PNPLA4: variants seen among roughly 807,000 people sequenced by gnomAD.
PNPLA4 encodes the protein patatin like domain 4, phospholipase and triacylglycerol lipase, also known as patatin-like phospholipase domain-containing protein 4.
PNPLA4 carries 15 observed loss-of-function variants against 18.3 expected under a neutral mutation model. The observed-to-expected ratio is 0.82, with a 90% CI of 0.55 to 1.26. PNPLA4 has a LOEUF of 1.26. Among genes scored for constraint, PNPLA4 ranks in the 50% most tolerant of loss-of-function variants. PNPLA4 has a pLI of 0.00. For synonymous variants in PNPLA4, 88 were observed against 85.6 expected (o/e 1.03, Z -0.16); for missense variants, 229 against 196.8 (o/e 1.16, Z -0.98).
At position 7,921,623 on chromosome X, in the gene PNPLA4, C is replaced by G. The variant is rs1601651206; in HGVS notation, c.411+90G>C. ...TCGGGCCTGGTAAGAGACACAGGATCTAAAGAACGTGGTAATGCTCATTAC... is the reference window on the plus strand; with the variant it reads ...TCGGGCCTGGTAAGAGACACAGGATGTAAAGAACGTGGTAATGCTCATTAC... On this transcript the variant is annotated intron_variant, in intron 4 of 6. Coordinates refer to ENST00000381042, the MANE Select transcript of PNPLA4 (RefSeq NM_004650.3). 7 of 801,143 alleles carry G rather than the reference C, an allele frequency of 8.7e-6. No homozygotes were observed. In the East Asian group the frequency reaches 2.2e-4, roughly 25 times the overall value. 66.0% of individuals were successfully genotyped at this position (801,143 alleles called of 1,213,427 possible). A position where few individuals can be genotyped will look rare whatever the true frequency, so the allele number is the denominator to read the frequency against.
chrX:7,899,681 A>AGAGAGAGAGAGAGAG lies in PNPLA4; in HGVS notation c.*1004_*1005insCTCTCTCTCTCTCTC, dbSNP rs1923463856. On this transcript the variant is annotated 3_prime_UTR_variant, in exon 7 of 7. Coordinates refer to ENST00000381042, the MANE Select transcript of PNPLA4 (RefSeq NM_004650.3). The stretch of plus-strand genomic sequence containing the variant: ...AGAGAGAGAGAGAGAGAGAGAGAGA[A>AGAGAGAGAGAGAGAG]TGAATGACAACCAGCTTGATAATCT... 4.0e-5 allele frequency: 1 copy of AGAGAGAGAGAGAGAG among 25,080 alleles called. No individual in the cohort carries two copies. Among genetic ancestry groups the AGAGAGAGAGAGAGAG allele is most frequent in the Non-Finnish European group, 8.2e-5 (1 of 12,246 alleles). The allele number at this position is 25,080 out of a possible 1,213,427, so 2.1% of individuals were successfully genotyped here.
chrX:7,927,085 T>C (rs1924444248), intron 1 of PNPLA4, among the ~76,000 whole-genome samples: 1 of 112,925 alleles, frequency 8.9e-6, no homozygotes, highest in African/African-American at 3.2e-5. Flanking sequence ...GTCCCAGTCA[T>C]CGATCCGGGG....
intron 2 of PNPLA4, among the ~76,000 whole-genome samples, chrX:7,925,551 G>A (rs1476296432): frequency 8.9e-6 from 1 of 112,015 alleles, no homozygotes; most frequent in Non-Finnish European, 1.9e-5. Context: ...TTTAATTTAT[G>A]TATCTATTTC....
intron 5 of PNPLA4, among the ~76,000 whole-genome samples, chrX:7,905,775 C>T (rs1923688474): frequency 1.8e-5 from 2 of 111,728 alleles, no homozygotes; most frequent in African/African-American, 6.5e-5. Flanking sequence ...CTATAGTTCA[C>T]GGGGTGGTAA....
chrX:7,907,013 G>T (rs910517082), intron 5 of PNPLA4, among the ~76,000 whole-genome samples: 3 of 111,113 alleles, frequency 2.7e-5, no homozygotes, highest in African/African-American at 9.8e-5. Flanking sequence ...AAATCCTACA[G>T]CTTTTCTTTT....
Position 7,899,626 on chromosome X carries a change from C to CCAGAGAGAGAGAGAGAGAGA in PNPLA4, c.*1059_*1060insTCTCTCTCTCTCTCTCTCTG, listed in dbSNP as rs763944921. ...TAGCTAAATACTCAGAGAGGTATGG[C>CCAGAGAGAGAGAGAGAGAGA]GAGAGAGAGAGAGAGAGAGAGAGAG... is the stretch of plus-strand genomic sequence containing the variant. On this transcript the variant is annotated 3_prime_UTR_variant, in exon 7 of 7. Coordinates refer to ENST00000381042, the MANE Select transcript of PNPLA4 (RefSeq NM_004650.3). 4.4e-3 allele frequency: 205 copies of CCAGAGAGAGAGAGAGAGAGA among 46,555 alleles called. 68 individuals are homozygous for CCAGAGAGAGAGAGAGAGAGA. Among genetic ancestry groups the CCAGAGAGAGAGAGAGAGAGA allele is most frequent in the Middle Eastern group, 0.014 (1 of 72 alleles). The allele number at this position is 46,555 out of a possible 1,213,427, so 3.8% of individuals were successfully genotyped here.
intron 6 of PNPLA4, among the ~76,000 whole-genome samples, chrX:7,901,022 C>T (rs1430508239): frequency 5.4e-5 from 6 of 111,518 alleles, no homozygotes; most frequent in Admixed American, 4.8e-4. Flanking sequence ...TTTGGGGCCA[C>T]GACGTCTTAA....
At chrX:7,926,155 T>C (rs752586975) in intron 1 of PNPLA4, 23 bp from the exon 2 acceptor site, 30 of 1,114,504 alleles carry the variant, frequency 2.7e-5, no homozygotes, top group East Asian at 6.1e-5. Context: ...AAAACAAAAA[T>C]GCTGTAAGTT....
At chrX:7,902,203 A>G in intron 5 of PNPLA4, 62 bp from the exon 6 acceptor site, 1 of 1,035,343 alleles carries the variant, frequency 9.7e-7, no homozygotes, top group Non-Finnish European at 1.3e-6. Flanking sequence ...AAAGAAAAGC[A>G]GCTTCTAATA....
At position 7,922,228 on chromosome X, in the gene PNPLA4, C is replaced by G. The variant is rs769631579; in HGVS notation, c.181-130G>C. 2.0e-5 allele frequency: 10 copies of G among 501,662 alleles called. No individual in the cohort carries two copies. The East Asian group carries it at 3.7e-4, about 18-fold the overall frequency. 41.3% of individuals were successfully genotyped at this position (501,662 alleles called of 1,213,427 possible). A position where few individuals can be genotyped will look rare whatever the true frequency, so the allele number is the denominator to read the frequency against. ...CATGTTATTAAAGGTGTGCAAATTC[C>G]CCACCTGGCCGGGGCCTCACCCACC... On this transcript the variant is annotated intron_variant, in intron 2 of 6. Coordinates refer to ENST00000381042, the MANE Select transcript of PNPLA4 (RefSeq NM_004650.3).
Position 7,899,645 on chromosome X carries a change from G to C in PNPLA4, c.*1041C>G, listed in dbSNP as rs1026662256. 5.2e-4 allele frequency: 48 copies of C among 93,130 alleles called. No homozygotes were observed. The highest frequency in any genetic ancestry group is 1.5e-3 in the African/African-American group (38 of 26,019). 7.7% of individuals were successfully genotyped at this position (93,130 alleles called of 1,213,427 possible). On this transcript the variant is annotated 3_prime_UTR_variant, in exon 7 of 7. Coordinates refer to ENST00000381042, the MANE Select transcript of PNPLA4 (RefSeq NM_004650.3). ...GTATGGCGAGAGAGAGAGAGAGAGA[G>C]AGAGAGAGAGAGAGAGAGAGAGAGA...
chrX:7,910,424 G>A (rs1464311430), intron 5 of PNPLA4, among the ~76,000 whole-genome samples: 2 of 110,470 alleles, frequency 1.8e-5, no homozygotes, highest in Non-Finnish European at 3.8e-5. Flanking sequence ...GTGGGTGAAT[G>A]AATGAATGAA....
At chrX:7,922,239 G>A (rs1286512953) in intron 2 of PNPLA4, 141 bp from the exon 3 acceptor site, 9 of 482,012 alleles carry the variant, frequency 1.9e-5, no homozygotes, top group African/African-American at 1.2e-4. Flanking sequence ...CCACCTGGCC[G>A]GGGCCTCACC....
At chrX:7,919,893 A>C (rs1188193762) in intron 4 of PNPLA4, among the ~76,000 whole-genome samples, 1 of 111,534 alleles carries the variant, frequency 9.0e-6, no homozygotes, top group Non-Finnish European at 1.9e-5. Context: ...CTTTTCTTTT[A>C]TTTTAAATCG....
intron 2 of PNPLA4, among the ~76,000 whole-genome samples, chrX:7,925,087 A>G (rs780070319): frequency 4.5e-5 from 5 of 112,319 alleles, no homozygotes; most frequent in African/African-American, 6.5e-5. Flanking sequence ...TCAACCATAT[A>G]AAGACAGGAA....
chrX:7,921,851 A>T lies in PNPLA4; in HGVS notation c.276-3T>A. ...GAAGAATCGACTCCATCCCACTTCT[A>T]AAGAAGAAAAAGCAATCTGAATTAC... On this transcript the variant is annotated splice_region_variant and splice_polypyrimidine_tract_variant and intron_variant, in intron 3 of 6. Transcript: ENST00000381042. 8.3e-7 allele frequency: 1 copy of T among 1,202,092 alleles called. No individual in the cohort carries two copies. The highest frequency in any genetic ancestry group is 1.1e-6 in the Non-Finnish European group (1 of 888,445).
chrX:7,903,535 G>A (rs954585931), intron 5 of PNPLA4, among the ~76,000 whole-genome samples: 34 of 110,808 alleles, frequency 3.1e-4, no homozygotes, highest in Non-Finnish European at 5.1e-4. Context: ...TCCTGACCTC[G>A]TGATCTGCCC....
Position 7,912,153 on chromosome X carries a change from A to T in PNPLA4, c.412-60T>A. The T allele has an allele frequency of 3.5e-6, 3 of 854,818 alleles. No individual in the cohort carries two copies. In the South Asian group the frequency reaches 6.2e-5, roughly 18 times the overall value. 70.4% of individuals were successfully genotyped at this position (854,818 alleles called of 1,213,427 possible). On this transcript the variant is annotated intron_variant, in intron 4 of 6. Transcript: ENST00000381042. Reference sequence around the variant, plus strand: ...ACAGGCATGAACATTCAGACAATACAGTTGATGTAGTATTGACTAGCAAAA... The same window carrying T: ...ACAGGCATGAACATTCAGACAATACTGTTGATGTAGTATTGACTAGCAAAA...
chrX:7,909,954 T>C (rs1923822928), intron 5 of PNPLA4, among the ~76,000 whole-genome samples: 1 of 111,672 alleles, frequency 9.0e-6, no homozygotes, highest in Admixed American at 9.5e-5. Flanking sequence ...AAAGTGTATA[T>C]TGGAAGAGAA....
Sources: gnomAD v4.1 joint callset for allele counts (sites outside exome capture counted in the v4.1 genomes callset) on GRCh38, gnomAD v4.1.1 for gene constraint, MANE v1.5 for transcripts, NCBI Gene and HGNC (gene_info 2026-07-23, HGNC 2026-07-21) for gene names.